Variants in VPS13B observed in about 807,000 individuals in gnomAD.
VPS13B encodes vacuolar protein sorting 13 homolog B, also known as intermembrane lipid transfer protein VPS13B.
In VPS13B, 285 loss-of-function variants were observed where a neutral mutation model predicts 426.4. That is an observed-to-expected ratio of 0.67 (90% CI 0.61 to 0.74). The LOEUF (loss-of-function observed/expected upper bound fraction) is 0.74. Among genes scored for constraint, VPS13B ranks in the 30% least tolerant of loss-of-function variants. VPS13B has a pLI of 0.00. For missense variants in VPS13B, 4,537 were observed against 4,782.6 expected, an observed-to-expected ratio of 0.95 and a Z score of 1.51; for synonymous variants, 1,676 against 1,676.4, an observed-to-expected ratio of 1.00 and a Z score of 0.01.
At chr8:99,527,081 T>TCAAAA (rs1028870738) in intron 30 of VPS13B, among the ~76,000 whole-genome samples, 2 of 152,036 alleles carry the variant, frequency 1.3e-5, no homozygotes, top group African/African-American at 4.8e-5. Context: ...ATGCTAAAAA[T>TCAAAA]CAAAACACTA....
chr8:99,745,992 A>G (rs1810066134), intron 39 of VPS13B, among the ~76,000 whole-genome samples: 3 of 152,094 alleles, frequency 2.0e-5, no homozygotes, highest in Admixed American at 1.3e-4. Context: ...TCCACACATT[A>G]TATTAGTTGA....
intron 3 of VPS13B, among the ~76,000 whole-genome samples, chr8:99,046,766 T>G (rs1167116810): frequency 6.6e-6 from 1 of 152,202 alleles, no homozygotes; most frequent in Admixed American, 6.5e-5. Context: ...ATGCCATATT[T>G]TTTTTGAATG....
At chr8:99,162,522 C>T (rs1280508092) in intron 15 of VPS13B, among the ~76,000 whole-genome samples, 2 of 151,968 alleles carry the variant, frequency 1.3e-5, no homozygotes, top group African/African-American at 2.4e-5. Context: ...GAGTCTGTCC[C>T]TTCTGATGTT....
chr8:99,411,020 A>G (rs552463489), intron 21 of VPS13B, among the ~76,000 whole-genome samples: 1 of 152,260 alleles, frequency 6.6e-6, no homozygotes, highest in African/African-American at 2.4e-5. Flanking sequence ...GTTGCAATAA[A>G]CATACGTGTG....
At chr8:99,128,446 CT>C (rs1809567321) in intron 8 of VPS13B, among the ~76,000 whole-genome samples, 1 of 123,514 alleles carries the variant, frequency 8.1e-6, no homozygotes, top group Admixed American at 9.0e-5. Context: ...TTCTTCAGCA[CT>C]TAGAAATTGC....
intron 19 of VPS13B, among the ~76,000 whole-genome samples, chr8:99,312,279 T>A (rs1821030283): frequency 6.6e-6 from 1 of 152,220 alleles, no homozygotes. Flanking sequence ...GTCTTTACAA[T>A]TTGGCATGTT....
intron 30 of VPS13B, among the ~76,000 whole-genome samples, chr8:99,539,854 C>CT (rs2133719294): frequency 6.7e-6 from 1 of 148,722 alleles, no homozygotes; most frequent in East Asian, 2.0e-4. Flanking sequence ...TTCTTTTTTT[C>CT]TTTTTTGTAC....
chr8:99,433,952 C>T (rs935585832), intron 22 of VPS13B, among the ~76,000 whole-genome samples: 10 of 151,868 alleles, frequency 6.6e-5, no homozygotes, highest in Non-Finnish European at 4.4e-5. Flanking sequence ...ATTACAGGCG[C>T]CCACCACCAC....
intron 30 of VPS13B, among the ~76,000 whole-genome samples, chr8:99,525,625 A>C (rs1822602780): frequency 6.6e-6 from 1 of 152,242 alleles, no homozygotes; most frequent in African/African-American, 2.4e-5. Context: ...GCTACTGTAC[A>C]TCAGGCACTA....
intron 48 of VPS13B, 22 bp from the exon 49 acceptor site, chr8:99,819,899 T>C (rs747522973): frequency 1.9e-6 from 3 of 1,613,236 alleles, no homozygotes; most frequent in South Asian, 2.2e-5. Flanking sequence ...ATTGAGTCTC[T>C]TGGATGTGGT....
At chr8:99,464,881 C>A (rs1819031214) in intron 23 of VPS13B, among the ~76,000 whole-genome samples, 1 of 152,000 alleles carries the variant, frequency 6.6e-6, no homozygotes, top group Non-Finnish European at 1.5e-5. Flanking sequence ...TGTTTGTATT[C>A]TTTTCTCTAA....
chr8:99,818,316 GT>G (rs958090370), intron 45 of VPS13B, 134 bp from the exon 46 acceptor site: 18 of 960,920 alleles, frequency 1.9e-5, no homozygotes, highest in African/African-American at 5.0e-5. Flanking sequence ...TTTTTGCTCA[GT>G]TTTTTTTAAT....
chr8:99,242,729 TATC>T (rs1361349140), intron 17 of VPS13B, among the ~76,000 whole-genome samples: 1 of 152,210 alleles, frequency 6.6e-6, no homozygotes, highest in East Asian at 1.9e-4. Context: ...AGAATTGCCT[TATC>T]ATAGTTCCTT....
rs541303126 is a variant in VPS13B, at chr8:99,456,445, AG to A, written c.3446-10967del. Among the ~76,000 whole-genome samples the A allele has an allele frequency of 1.4e-4, 22 of 152,340 alleles. No homozygotes were observed. In the East Asian group the frequency reaches 4.2e-3, roughly 29 times the overall value. On this transcript the variant is annotated intron_variant, in intron 23 of 61. Transcript: ENST00000357162. ...TGGCCTCCTCAAGTGCTGGGATTAC[AG>A]GTGTGAGCCACCGCACCAGCCATTT...
chr8:99,325,953 A>G (rs1175237669), intron 19 of VPS13B, among the ~76,000 whole-genome samples: 1 of 152,004 alleles, frequency 6.6e-6, no homozygotes, highest in East Asian at 1.9e-4. Context: ...TTTGTTTTCC[A>G]TAGGATATGT....
chr8:99,337,113 G>A (rs7386198), intron 19 of VPS13B, among the ~76,000 whole-genome samples: 8 of 151,212 alleles, frequency 5.3e-5, no homozygotes, highest in Admixed American at 1.3e-4. Context: ...GGAACCAACC[G>A]AAATGTCCAA....
At chr8:99,208,273 G>A (rs1814848756) in intron 17 of VPS13B, among the ~76,000 whole-genome samples, 2 of 152,232 alleles carry the variant, frequency 1.3e-5, no homozygotes, top group South Asian at 4.1e-4. Context: ...CTCCTACCAG[G>A]CCCCATCTCC....
At chr8:99,842,835 C>G (rs916763566) in intron 54 of VPS13B, among the ~76,000 whole-genome samples, 10 of 152,114 alleles carry the variant, frequency 6.6e-5, no homozygotes, top group African/African-American at 2.4e-4. Context: ...ATCCAGGCCT[C>G]AAATGGTTTT....
At chr8:99,606,510 A>G (rs939924510) in intron 33 of VPS13B, among the ~76,000 whole-genome samples, 8 of 151,070 alleles carry the variant, frequency 5.3e-5, no homozygotes, top group African/African-American at 1.9e-4. Flanking sequence ...AAAAAAAAAA[A>G]AAAAGAAAAA....
Sources: gnomAD v4.1 joint callset for allele counts (sites outside exome capture counted in the v4.1 genomes callset) on GRCh38, gnomAD v4.1.1 for gene constraint, MANE v1.5 for transcripts, NCBI Gene and HGNC (gene_info 2026-07-23, HGNC 2026-07-21) for gene names.